Variants in NOL7 observed in about 807,000 individuals in gnomAD.
NOL7 encodes the protein U3 small nucleolar RNA-associated protein NOL7.
In NOL7, 36 loss-of-function variants were observed where a neutral mutation model predicts 38.4. That is an observed-to-expected ratio of 0.94 (90% CI 0.72 to 1.24). The LOEUF (loss-of-function observed/expected upper bound fraction) is 1.24. NOL7 is among the 50% of genes most tolerant of loss of function. NOL7 has a pLI of 0.00. For missense variants in NOL7, 350 were observed against 315.1 expected (o/e 1.11, Z -0.84); for synonymous variants, 142 against 126.5 (o/e 1.12, Z -0.82).
intron 8 of NOL7, chr6:13,632,252 G>C (rs1202156741): frequency 2.3e-6 from 2 of 866,832 alleles, no homozygotes; most frequent in Admixed American, 6.5e-5. Context: ...AGGAGCCAGG[G>C]GGAAGGTCAG....
intron 2 of NOL7, 22 bp from the exon 3 acceptor site, chr6:13,616,441 T>C (rs758172454): frequency 2.1e-5 from 33 of 1,575,224 alleles, no homozygotes; most frequent in Non-Finnish European, 2.7e-5. Context: ...TCTATTAATT[T>C]TAAACGTTTT....
chr6:13,616,656 T>G (rs2127753852), intron 3 of NOL7, 135 bp downstream of exon 3: 1 of 606,386 alleles, frequency 1.6e-6, no homozygotes, highest in Middle Eastern at 4.4e-4. Context: ...GTATATGAAT[T>G]TGATGGGAAA....
In NOL7 at chr6:13,631,573, G is replaced by A. The variant is rs930073177; in HGVS notation, n.574-820G>A. Among the ~76,000 whole-genome samples the A allele has an allele frequency of 3.9e-5, 6 of 152,130 alleles. No individual in the cohort carries two copies. In the East Asian group the frequency reaches 5.8e-4, roughly 15 times the overall value. ...TCAGTCCAGGTCAGGAAGAAACAGC[G>A]GCAGGAATCTTTTGCTTGCCCTTTC... On this transcript the variant is annotated intron_variant and non_coding_transcript_variant, in intron 8 of 8. Transcript: ENST00000474485.
At chr6:13,625,156 A>C (rs1344124694), downstream of NOL7, among the ~76,000 whole-genome samples, 4 of 152,132 alleles carry the variant, frequency 2.6e-5, no homozygotes, top group Admixed American at 6.5e-5. Context: ...GTTCCCTTCT[A>C]GCCTAACTCT....
chr6:13,625,587 A>G, downstream of NOL7: 2 of 1,174,134 alleles, frequency 1.7e-6, no homozygotes, highest in Non-Finnish European at 2.5e-6. Flanking sequence ...AAATGCCAGT[A>G]CAAACACCCT....
In NOL7 at chr6:13,620,794, GTGGA is replaced by G. The variant is rs1391086229; in HGVS notation, c.745_748del (p.Met249SerfsTer4). On this transcript the variant is annotated frameshift_variant, in exon 8 of 8. Coordinates refer to ENST00000451315, the MANE Select transcript of NOL7 (RefSeq NM_016167.5). LOFTEE classifies it high-confidence loss of function. Reference sequence around the variant, plus strand: ...AAAATGCCAAGAGGTTTAAAAGACGGTGGATGGTCAGAAAGATGAAAACTAAGAA... The same window carrying G: ...AAAATGCCAAGAGGTTTAAAAGACGGTGGTCAGAAAGATGAAAACTAAGAA... The G allele has an allele frequency of 6.2e-7, 1 of 1,604,338 alleles. No homozygotes were observed.
At chr6:13,617,677 G>C in intron 3 of NOL7, 93 bp from the exon 4 acceptor site, 3 of 1,169,758 alleles carry the variant, frequency 2.6e-6, no homozygotes, top group Non-Finnish European at 3.8e-6. Flanking sequence ...ATGAAAGGGG[G>C]TGTCTTACTT....
Position 13,629,923 on chromosome 6 carries a change from T to C in NOL7, n.574-2470T>C, listed in dbSNP as rs200851673. On this transcript the variant is annotated intron_variant and non_coding_transcript_variant, in intron 8 of 8. Transcript: ENST00000474485. ...TCTCTCTCTCTCTCTCTCTCTCTCG[T>C]GTGTGTGTGTGTGTGTGTGTATTTG... 7.5e-3 allele frequency among the ~76,000 whole-genome samples: 825 copies of C among 109,738 alleles called. 6 individuals are homozygous for C. Among genetic ancestry groups the C allele is most frequent in the African/African-American group, 0.022 (711 of 32,920 alleles). 72.0% of individuals were successfully genotyped at this position (109,738 alleles called of 152,430 possible). A position where few individuals can be genotyped will look rare whatever the true frequency, so the allele number is the denominator to read the frequency against.
chr6:13,616,673 G>T, intron 3 of NOL7, 152 bp downstream of exon 3: 2 of 569,488 alleles, frequency 3.5e-6, no homozygotes, highest in South Asian at 2.5e-5. Context: ...GAAAGACGGA[G>T]GTAACGTTCT....
rs557517566 is a variant in NOL7, at chr6:13,631,011, G to A, written n.574-1382G>A. Among the ~76,000 whole-genome samples, 144 of 152,062 alleles carry A rather than the reference G, an allele frequency of 9.5e-4. 4 individuals are homozygous for A. The South Asian group carries it at 0.015, about 16-fold the overall frequency. On this transcript the variant is annotated intron_variant and non_coding_transcript_variant, in intron 8 of 8. Transcript: ENST00000474485. The stretch of plus-strand genomic sequence containing the variant: ...TTTTTAGTAGAGACGGGGTTTCACC[G>A]TGTTAGCAGGATGGTCTCAATCTCT...
At position 13,621,455 on chromosome 6, in the gene NOL7, A is replaced by AAAGT. The variant is rs1371913904; in HGVS notation, c.*630_*633dup. 2 of 152,596 alleles carry AAAGT rather than the reference A, an allele frequency of 1.3e-5. No homozygotes were observed. The highest frequency in any genetic ancestry group is 1.3e-4 in the Admixed American group (2 of 15,276). The allele number at this position is 152,596 out of a possible 1,614,324, so 9.5% of individuals were successfully genotyped here. The stretch of plus-strand genomic sequence containing the variant: ...GCTCTAATTTTCATAGTAATCATAA[A>AAAGT]AAGTATGCAAGTACCTAATATATAA... On this transcript the variant is annotated 3_prime_UTR_variant, in exon 8 of 8. Transcript: ENST00000451315.
At chr6:13,627,401 A>AG (rs1162068710) in intron 8 of NOL7, among the ~76,000 whole-genome samples, 13 of 152,080 alleles carry the variant, frequency 8.5e-5, no homozygotes, top group Non-Finnish European at 1.6e-4. Flanking sequence ...AAGCAGAGGC[A>AG]GGCAGATCAT....
intron 7 of NOL7, 51 bp from the exon 8 acceptor site, chr6:13,620,703 T>C (rs763423428): frequency 7.7e-7 from 1 of 1,296,784 alleles, no homozygotes; most frequent in Non-Finnish European, 1.1e-6. Flanking sequence ...TTAAAAAAAT[T>C]TTGAATTATG....
intron 8 of NOL7, among the ~76,000 whole-genome samples, chr6:13,631,611 A>T (rs1764783084): frequency 6.6e-6 from 1 of 152,126 alleles, no homozygotes; most frequent in Admixed American, 6.5e-5. Context: ...ACCATACCCA[A>T]ACATTAGTCT....
downstream of NOL7, among the ~76,000 whole-genome samples, chr6:13,624,926 G>A (rs902238281): frequency 6.6e-6 from 1 of 152,170 alleles, no homozygotes; most frequent in Admixed American, 6.5e-5. Flanking sequence ...TAAGCATGGT[G>A]GGAGCTGTGA....
At chr6:13,629,921 C>CTCTCTCTCGT in intron 8 of NOL7, among the ~76,000 whole-genome samples, 1 of 128,428 alleles carries the variant, frequency 7.8e-6, no homozygotes, top group African/African-American at 2.8e-5. Flanking sequence ...CTCTCTCTCT[C>CTCTCTCTCGT]GTGTGTGTGT....
intron 7 of NOL7, 88 bp downstream of exon 7, chr6:13,620,573 TCC>T: frequency 7.5e-7 from 1 of 1,338,692 alleles, no homozygotes; most frequent in South Asian, 1.2e-5. Context: ...ATTATACTTT[TCC>T]CCCTTATAAT....
At chr6:13,623,656 A>C (rs1369208164), downstream of NOL7, among the ~76,000 whole-genome samples, 1 of 152,178 alleles carries the variant, frequency 6.6e-6, no homozygotes, top group Non-Finnish European at 1.5e-5. Flanking sequence ...TGCATCTTTA[A>C]CTTTTTTGGA....
intron 7 of NOL7, 56 bp downstream of exon 7, chr6:13,620,541 C>A (rs1764414709): frequency 1.3e-6 from 2 of 1,489,628 alleles, no homozygotes; most frequent in South Asian, 2.3e-5. Context: ...GAATAATGTT[C>A]TTTTGAAGGA....
Sources: gnomAD v4.1 joint callset for allele counts (sites outside exome capture counted in the v4.1 genomes callset) on GRCh38, gnomAD v4.1.1 for gene constraint, MANE v1.5 for transcripts, NCBI Gene and HGNC (gene_info 2026-07-23, HGNC 2026-07-21) for gene names.